Variants in GRK5 observed in about 807,000 individuals in gnomAD.
GRK5 encodes G protein-coupled receptor kinase 5, also known as g protein-coupled receptor kinase GRK5.
GRK5 carries 40 observed loss-of-function variants against 78.4 expected under a neutral mutation model. The ratio of observed to expected loss-of-function variants is 0.51; its 90% CI spans 0.40 to 0.66. The LOEUF is 0.66. Among genes scored for constraint, GRK5 ranks in the 30% least tolerant of loss-of-function variants. GRK5 has a pLI of 0.00. For synonymous variants in GRK5, 289 were observed against 296.8 expected (o/e 0.97, Z 0.27); for missense variants, 598 against 759.9 (o/e 0.79, Z 2.50).
chr10:119,313,218 GTGACGGTAGTGATGATGGTGGTGGTAA>G (rs1850421738), intron 1 of GRK5, among the ~76,000 whole-genome samples: 2 of 148,192 alleles, frequency 1.3e-5, no homozygotes, highest in Non-Finnish European at 1.5e-5. Context: ...AGTGGTGGTG[GTGACGGTAGTGATGATGGTGGTGGTAA>G]TGGTGGTGGT....
In GRK5 at chr10:119,329,176, A is replaced by G. The variant is rs533485139; in HGVS notation, c.148+2565A>G. Among the ~76,000 whole-genome samples, 106 of 152,366 alleles carry G rather than the reference A, an allele frequency of 7.0e-4. 1 individual carries two copies. The highest frequency in any genetic ancestry group is 2.5e-3 in the African/African-American group (104 of 41,594). ...GATACTGAGCATTCATGTATCTGCC[A>G]TCCAGATGAGAGAAATCTTAACATT... On this transcript the variant is annotated intron_variant, in intron 2 of 15. Coordinates refer to ENST00000392870, the MANE Select transcript of GRK5 (RefSeq NM_005308.3).
chr10:119,328,066 GTGAGA>G (rs1289101556), intron 2 of GRK5, among the ~76,000 whole-genome samples: 2 of 152,192 alleles, frequency 1.3e-5, no homozygotes, highest in Non-Finnish European at 2.9e-5. Context: ...GGTGGAGTGG[GTGAGA>G]TGAGACCATG....
At chr10:119,453,386 T>G (rs1315420587) in intron 15 of GRK5, 110 bp downstream of exon 15, 5 of 1,308,860 alleles carry the variant, frequency 3.8e-6, no homozygotes, top group Non-Finnish European at 5.3e-6. Flanking sequence ...CTTGGAAGTC[T>G]GGGGCAGTAG....
At chr10:119,290,346 C>CAAAAAA (rs1220792004) in intron 1 of GRK5, among the ~76,000 whole-genome samples, 8 of 40,004 alleles carry the variant, frequency 2.0e-4, no homozygotes, top group African/African-American at 4.5e-4. Flanking sequence ...GATTCCGTCT[C>CAAAAAA]AAAAAAAAAA....
intron 1 of GRK5, among the ~76,000 whole-genome samples, chr10:119,304,028 C>T (rs951567191): frequency 6.6e-6 from 1 of 152,168 alleles, no homozygotes; most frequent in Non-Finnish European, 1.5e-5. Flanking sequence ...GACTCACCTG[C>T]CTTTCTGGAT....
Position 119,271,431 on chromosome 10 carries a change from A to T in GRK5, c.53-55085A>T, listed in dbSNP as rs192236153. Among the ~76,000 whole-genome samples, 159 of 152,306 alleles carry T rather than the reference A, an allele frequency of 1.0e-3. No homozygotes were observed. The highest frequency in any genetic ancestry group is 3.6e-3 in the African/African-American group (150 of 41,568). On this transcript the variant is annotated intron_variant, in intron 1 of 15. Coordinates refer to ENST00000392870, the MANE Select transcript of GRK5 (RefSeq NM_005308.3). This position sits in a 1 kb window ranked among gnomAD's most constrained non-coding sequence, Gnocchi z 4.1. The stretch of plus-strand genomic sequence containing the variant: ...GGCTGAAACAATGTGTTTCCTACAG[A>T]TTTTGTTTGCCTGCATTGACTTCTT...
intron 1 of GRK5, among the ~76,000 whole-genome samples, chr10:119,231,780 G>T (rs1254709563): frequency 2.0e-5 from 3 of 150,564 alleles, no homozygotes; most frequent in Non-Finnish European, 4.4e-5. Flanking sequence ...ACCACAATGA[G>T]GTATTATCTC....
Position 119,236,502 on chromosome 10 carries a change from C to A in GRK5, c.52+28533C>A, listed in dbSNP as rs529108823. 2.0e-5 allele frequency among the ~76,000 whole-genome samples: 3 copies of A among 152,252 alleles called. No homozygotes were observed. The East Asian group carries it at 5.8e-4, about 29-fold the overall frequency. On this transcript the variant is annotated intron_variant, in intron 1 of 15. Coordinates refer to ENST00000392870, the MANE Select transcript of GRK5 (RefSeq NM_005308.3). ...GTGCTGGGATTACAGGCGTGAGCCA[C>A]TGCGCCTGGCCCCTACACACTATTT... is the stretch of plus-strand genomic sequence containing the variant.
intron 1 of GRK5, among the ~76,000 whole-genome samples, chr10:119,299,727 A>G (rs1441127441): frequency 6.6e-6 from 1 of 152,014 alleles, no homozygotes; most frequent in Non-Finnish European, 1.5e-5. Flanking sequence ...ATAGTGACTG[A>G]GCCTGGAGTA....
At chr10:119,318,666 T>G (rs1226280846) in intron 1 of GRK5, among the ~76,000 whole-genome samples, 2 of 152,090 alleles carry the variant, frequency 1.3e-5, no homozygotes, top group African/African-American at 4.8e-5. Flanking sequence ...CGCATCCCAC[T>G]GGGCTGACAC....
At chr10:119,416,703 C>T (rs149367466) in intron 4 of GRK5, among the ~76,000 whole-genome samples, 5,360 of 152,180 alleles carry the variant, frequency 0.035, 155 homozygotes, top group Middle Eastern at 0.1. Context: ...AAGCGATTCT[C>T]GTGCCTCAGC....
chr10:119,423,181 G>A lies in GRK5; in HGVS notation c.355G>A (p.Ala119Thr). 2 of 1,613,488 alleles carry A rather than the reference G, an allele frequency of 1.2e-6. No individual in the cohort carries two copies. Among genetic ancestry groups the A allele is most frequent in the Middle Eastern group, 3.3e-4 (2 of 6,062 alleles). ...YLTPKSPVFI[A>T]QVGQDLVSQT... ...CTTCTTCCAGTCCCCTGTTTTCATA[G>A]CCCAAGTTGGCCAAGACCTGGTCTC... The change falls in exon 5 of 16, where the codon GCC becomes ACC. Residue 119 changes from alanine to threonine, a missense_variant. Coordinates refer to ENST00000392870, the MANE Select transcript of GRK5 (RefSeq NM_005308.3).
chr10:119,320,590 CAGGA>C, intron 1 of GRK5, among the ~76,000 whole-genome samples: 1 of 152,194 alleles, frequency 6.6e-6, no homozygotes, highest in Non-Finnish European at 1.5e-5. Context: ...AGGAGACCTC[CAGGA>C]AGGTAGAATT....
chr10:119,394,376 C>CTGTGTTTGTGTGTGTGTCTGTG (rs1564917161), intron 3 of GRK5, among the ~76,000 whole-genome samples: 1 of 18,310 alleles, frequency 5.5e-5, no homozygotes, highest in Non-Finnish European at 1.1e-4. Flanking sequence ...GTGTGGGTGT[C>CTGTGTTTGTGTGTGTGTCTGTG]GGTGTGTGTA....
chr10:119,434,241 A>G (rs1395175330), intron 8 of GRK5, among the ~76,000 whole-genome samples: 1 of 152,032 alleles, frequency 6.6e-6, no homozygotes, highest in Non-Finnish European at 1.5e-5. Flanking sequence ...CCCCTCCCAA[A>G]TCTCATGACC....
chr10:119,441,369 G>A (rs1417037905), intron 10 of GRK5, among the ~76,000 whole-genome samples: 5 of 152,214 alleles, frequency 3.3e-5, no homozygotes, highest in Non-Finnish European at 7.4e-5. Flanking sequence ...GGGGTAAGTT[G>A]TGGCCGCGAC....
At chr10:119,259,993 C>T (rs951811215) in intron 1 of GRK5, among the ~76,000 whole-genome samples, 1 of 151,998 alleles carries the variant, frequency 6.6e-6, no homozygotes, top group Non-Finnish European at 1.5e-5. Context: ...ATAACATTCT[C>T]TTGAGATCAG....
intron 1 of GRK5, among the ~76,000 whole-genome samples, chr10:119,216,510 G>A (rs1848576587): frequency 6.6e-6 from 1 of 152,140 alleles, no homozygotes; most frequent in Non-Finnish European, 1.5e-5. Context: ...AAACTGAGAT[G>A]AAAGAAAGGG....
At chr10:119,416,654 A>G (rs1277248578) in intron 4 of GRK5, among the ~76,000 whole-genome samples, 5 of 151,424 alleles carry the variant, frequency 3.3e-5, no homozygotes, top group Non-Finnish European at 7.4e-5. Context: ...GCAGTGGCTC[A>G]GTGATCTCGG....
Sources: gnomAD v4.1 joint callset for allele counts (sites outside exome capture counted in the v4.1 genomes callset) on GRCh38, gnomAD v4.1.1 for gene constraint, Gnocchi (gnomAD v3.1) non-coding constraint, MANE v1.5 for transcripts, NCBI Gene and HGNC (gene_info 2026-07-23, HGNC 2026-07-21) for gene names.